Variants in HELZ observed in about 807,000 individuals in gnomAD.
HELZ encodes the protein ATP-dependent RNA helicase with zinc finger domain.
In HELZ, 23 loss-of-function variants were observed where a neutral mutation model predicts 218.2. The observed-to-expected ratio is 0.11, with a 90% confidence interval of 0.08 to 0.15. HELZ has a LOEUF of 0.15. Ranked by LOEUF, HELZ falls within the 10% of genes least tolerant of loss-of-function variation. The pLI is 1.00. For missense variants in HELZ, 1,813 were observed against 2,353.7 expected, an observed-to-expected ratio of 0.77 and a Z score of 4.75; for synonymous variants, 814 against 829.4, an observed-to-expected ratio of 0.98 and a Z score of 0.32.
chr17:67,198,634 T>C lies in HELZ; in HGVS notation c.429+2495A>G, dbSNP rs373012218. Among the ~76,000 whole-genome samples the C allele has an allele frequency of 1.2e-4, 18 of 152,336 alleles. No homozygotes were observed. The South Asian group carries it at 3.3e-3, about 28-fold the overall frequency. ...TATTTTAAATGTTACTAAAGAATATTTACTAAAGAATACTTGTTTTTGTTT... is the reference window on the plus strand; with the variant it reads ...TATTTTAAATGTTACTAAAGAATATCTACTAAAGAATACTTGTTTTTGTTT... On this transcript the variant is annotated intron_variant, in intron 7 of 32. Transcript: ENST00000358691.
At chr17:67,237,320 TA>T (rs2041211522) in intron 3 of HELZ, among the ~76,000 whole-genome samples, 1 of 152,220 alleles carries the variant, frequency 6.6e-6, no homozygotes, top group African/African-American at 2.4e-5. Context: ...TTTATTAGTT[TA>T]ACATTTATTA....
intron 31 of HELZ, among the ~76,000 whole-genome samples, chr17:67,103,979 A>T (rs1344735902): frequency 6.6e-6 from 1 of 152,234 alleles, no homozygotes; most frequent in Non-Finnish European, 1.5e-5. Flanking sequence ...TGTTGCCAAG[A>T]CTATTCAATG....
intron 31 of HELZ, among the ~76,000 whole-genome samples, chr17:67,097,480 T>TA (rs2036784718): frequency 6.6e-6 from 1 of 152,204 alleles, no homozygotes; most frequent in Admixed American, 6.5e-5. Flanking sequence ...GTCTAAATTT[T>TA]AAAAAATGCC....
At chr17:67,169,822 C>G (rs1347061459) in intron 13 of HELZ, among the ~76,000 whole-genome samples, 2 of 152,116 alleles carry the variant, frequency 1.3e-5, no homozygotes, top group Admixed American at 1.3e-4. Flanking sequence ...TCCAGTTGTG[C>G]CTGTGAAATT....
At position 67,120,922 on chromosome 17, in the gene HELZ, T is replaced by C. The variant is rs1042666246; in HGVS notation, c.3631-310A>G. ...AGGCATTAAATCATTTTATAGTATT[T>C]ACTTGTTTCCCCTCCATATGAATGT... On this transcript the variant is annotated intron_variant, in intron 26 of 32. Coordinates refer to ENST00000358691, the MANE Select transcript of HELZ (RefSeq NM_014877.4). 4.6e-5 allele frequency among the ~76,000 whole-genome samples: 7 copies of C among 152,338 alleles called. No individual in the cohort carries two copies. In the East Asian group the frequency reaches 5.8e-4, roughly 13 times the overall value.
intron 7 of HELZ, among the ~76,000 whole-genome samples, chr17:67,197,963 G>A (rs1037187987): frequency 4.0e-5 from 6 of 151,528 alleles, no homozygotes; most frequent in East Asian, 1.9e-4. Context: ...AGCATTCTAC[G>A]CTGCAAAAAA....
intron 18 of HELZ, 86 bp from the exon 19 acceptor site, chr17:67,150,071 T>A: frequency 1.4e-6 from 1 of 730,744 alleles, no homozygotes; most frequent in Non-Finnish European, 2.3e-6. Flanking sequence ...TTCTGCTAAG[T>A]AAAGAGTTTA....
intron 12 of HELZ, among the ~76,000 whole-genome samples, chr17:67,180,412 G>A (rs944041538): frequency 1.3e-5 from 2 of 152,000 alleles, no homozygotes; most frequent in Non-Finnish European, 2.9e-5. Flanking sequence ...CTCACAAGCA[G>A]AAGTTTCCTA....
chr17:67,167,858 G>A (rs2039192810), intron 13 of HELZ, 62 bp from the exon 14 acceptor site: 1 of 1,115,670 alleles, frequency 9.0e-7, no homozygotes, highest in Non-Finnish European at 1.3e-6. Context: ...AAAACTAGAA[G>A]AGTGAAACAA....
chr17:67,241,062 G>A (rs2041303048), intron 2 of HELZ, among the ~76,000 whole-genome samples: 1 of 152,154 alleles, frequency 6.6e-6, no homozygotes, highest in Admixed American at 6.6e-5. Context: ...TCTAGCCAAT[G>A]CTACAGAAGT....
chr17:67,076,758 T>C lies in HELZ; in HGVS notation c.*1494A>G, dbSNP rs530375474. The C allele has an allele frequency of 3.3e-5, 5 of 152,334 alleles. No individual in the cohort carries two copies. Among genetic ancestry groups the C allele is most frequent in the Admixed American group, 1.3e-4 (2 of 15,306 alleles). 9.4% of individuals were successfully genotyped at this position (152,334 alleles called of 1,614,324 possible). ...TGATTTTAAAAATGTACTTTGATTA[T>C]AGGATTGCCTATCGAAAGTGGTCTT... On this transcript the variant is annotated 3_prime_UTR_variant, in exon 33 of 33. Transcript: ENST00000358691.
At chr17:67,168,695 T>C (rs2144159879) in intron 13 of HELZ, among the ~76,000 whole-genome samples, 1 of 152,340 alleles carries the variant, frequency 6.6e-6, no homozygotes, top group African/African-American at 2.4e-5. Flanking sequence ...GCCTATCTTA[T>C]CAGACAATGG....
intron 2 of HELZ, among the ~76,000 whole-genome samples, chr17:67,243,514 G>A (rs1598496002): frequency 6.6e-6 from 1 of 152,166 alleles, no homozygotes; most frequent in East Asian, 1.9e-4. Flanking sequence ...ATTATCCCTG[G>A]TGAAGATACT....
rs766742091 is a variant in HELZ, at chr17:67,109,319, T to C, written c.4286A>G (p.Asn1429Ser). ...AGCAACTGCACTATTAAAAAAAGCA[T>C]TGTTGGGTCCCGCCTGATATGCAGG... ...LSPAYQAGPN[N>S]AFFNSAVAHR... Residue 1429 changes from asparagine to serine, a missense_variant, in exon 29 of 33, where the codon AAT becomes AGT. Asn to Ser is a conservative substitution (Grantham distance 46). Around this residue, in one of 4 missense-constraint regions of HELZ, gnomAD observed 938 missense variants for 1,027.5 expected, o/e 0.91. Coordinates refer to ENST00000358691, the MANE Select transcript of HELZ (RefSeq NM_014877.4). 5.0e-6 allele frequency: 8 copies of C among 1,613,892 alleles called. No individual in the cohort carries two copies. In the East Asian group the frequency reaches 1.1e-4, roughly 22 times the overall value.
intron 31 of HELZ, among the ~76,000 whole-genome samples, chr17:67,097,577 T>A (rs1170885758): frequency 6.6e-6 from 1 of 152,206 alleles, no homozygotes; most frequent in Non-Finnish European, 1.5e-5. Flanking sequence ...TACATCCATA[T>A]ACAAGGTCAT....
chr17:67,148,650 C>T lies in HELZ; in HGVS notation c.2540G>A (p.Arg847Gln). ...CTCAGCAGGGTAATGCTCATAGAGT[C>T]GGTCAAGTAATGAAACGTGAAGGTT... is the stretch of plus-strand genomic sequence containing the variant. ...ERNLHVSLLD[R>Q]LYEHYPAEFP... Residue 847 changes from arginine to glutamine, a missense_variant, in exon 20 of 33, where the codon CGA becomes CAA. By Grantham distance (43) the Arg-to-Gln change is conservative. Transcript: ENST00000358691. 1 of 1,613,562 alleles carries T rather than the reference C, an allele frequency of 6.2e-7. No homozygotes were observed. The highest frequency in any genetic ancestry group is 8.5e-7 in the Non-Finnish European group (1 of 1,179,656).
chr17:67,207,917 T>C (rs1399096826), intron 5 of HELZ, among the ~76,000 whole-genome samples: 2 of 152,108 alleles, frequency 1.3e-5, no homozygotes, highest in Admixed American at 6.6e-5. Flanking sequence ...GCTGACTGCT[T>C]GTACCCAGGA....
At chr17:67,216,037 T>TA (rs2040591189) in intron 4 of HELZ, 102 bp from the exon 5 acceptor site, 1 of 735,872 alleles carries the variant, frequency 1.4e-6, no homozygotes, top group Non-Finnish European at 2.4e-6. Context: ...GTTTAATCAT[T>TA]AATGTTGTAA....
chr17:67,098,572 T>TAAA (rs770393293), intron 31 of HELZ, among the ~76,000 whole-genome samples: 1 of 123,968 alleles, frequency 8.1e-6, no homozygotes, highest in Non-Finnish European at 1.7e-5. Context: ...CCGTCTCTAC[T>TAAA]AAAAAAAAAA....
Sources: allele counts gnomAD v4.1 joint callset (sites outside exome capture counted in the v4.1 genomes callset), GRCh38; gene constraint gnomAD v4.1.1; regional missense constraint gnomAD v4.1.1; transcripts MANE v1.5; gene names NCBI Gene and HGNC (gene_info 2026-07-23, HGNC 2026-07-21).